The following C6orf132 variants were observed in gnomAD, a reference collection of about 807,000 sequenced individuals.
The protein encoded by C6orf132 is chromosome 6 open reading frame 132, also known as uncharacterized protein C6orf132.
In C6orf132, 43 loss-of-function variants were observed where a neutral mutation model predicts 65.3. That is an observed-to-expected ratio of 0.66 (90% CI 0.52 to 0.85). The LOEUF is 0.85. Among genes scored for constraint, C6orf132 ranks in the 40% least tolerant of loss-of-function variants. The pLI is 0.00. For missense variants in C6orf132, 1,488 were observed against 1,548.8 expected, an observed-to-expected ratio of 0.96 and a Z score of 0.66; for synonymous variants, 631 against 654.1, an observed-to-expected ratio of 0.96 and a Z score of 0.54.
In C6orf132 at chr6:42,134,634, C is replaced by T. The variant is rs927561187; in HGVS notation, c.146-5856G>A. ...ACTAAAAATACAAAAATTAGCTGGG[C>T]GTGGTGGTGGGTGCCTATAACCCCA... On this transcript the variant is annotated intron_variant, in intron 1 of 4. Coordinates refer to ENST00000341865, the MANE Select transcript of C6orf132 (RefSeq NM_001164446.3). Among the ~76,000 whole-genome samples, 6 of 151,736 alleles carry T rather than the reference C, an allele frequency of 4.0e-5. No homozygotes were observed. In the East Asian group the frequency reaches 7.7e-4, roughly 20 times the overall value.
At chr6:42,115,633 G>A (rs934950776) in intron 2 of C6orf132, among the ~76,000 whole-genome samples, 3 of 152,084 alleles carry the variant, frequency 2.0e-5, no homozygotes, top group Admixed American at 6.5e-5. Flanking sequence ...GCGACAGAGC[G>A]AGACTCCGTC....
chr6:42,118,038 T>G (rs1011135806), intron 2 of C6orf132, among the ~76,000 whole-genome samples: 2 of 151,670 alleles, frequency 1.3e-5, no homozygotes, highest in Non-Finnish European at 2.9e-5. Flanking sequence ...CTCACTCTGG[T>G]CTCAGTTTTC....
intron 2 of C6orf132, among the ~76,000 whole-genome samples, chr6:42,121,468 C>T (rs1441157422): frequency 6.6e-6 from 1 of 152,226 alleles, no homozygotes; most frequent in Non-Finnish European, 1.5e-5. Flanking sequence ...CCACTGCTCA[C>T]CTGTTGCACC....
In C6orf132 at chr6:42,124,562, GGGAA is replaced by G. The variant is rs1234527934; in HGVS notation, c.252+4106_252+4109del. Among the ~76,000 whole-genome samples the G allele has an allele frequency of 6.6e-6, 1 of 152,212 alleles. No homozygotes were observed. The highest frequency in any genetic ancestry group is 2.4e-5 in the African/African-American group (1 of 41,458). On this transcript the variant is annotated intron_variant, in intron 2 of 4. Transcript: ENST00000341865. This position sits in a 1 kb window ranked among gnomAD's most constrained non-coding sequence, Gnocchi z 4.0. ...TGGCCTGGGAGGTGCCTCTGAATGT[GGGAA>G]GGGAGGACAGGGAGGGGTGGAGGCC...
Position 42,124,683 on chromosome 6 carries a change from G to T in C6orf132, c.252+3989C>A, listed in dbSNP as rs983236082. On this transcript the variant is annotated intron_variant, in intron 2 of 4. Coordinates refer to ENST00000341865, the MANE Select transcript of C6orf132 (RefSeq NM_001164446.3). This position sits in a 1 kb window ranked among gnomAD's most constrained non-coding sequence, Gnocchi z 4.0. ...TGGGGCTGGGGGACGGGGTGTGTGC[G>T]TGTGCATGTGTGTGTGAGCCCACAC... Among the ~76,000 whole-genome samples, 1 of 152,190 alleles carries T rather than the reference G, an allele frequency of 6.6e-6. No homozygotes were observed. Among genetic ancestry groups the T allele is most frequent in the Admixed American group, 6.5e-5 (1 of 15,280 alleles).
At chr6:42,142,177 T>C in intron 1 of C6orf132, 123 bp downstream of exon 1, 3 of 1,147,176 alleles carry the variant, frequency 2.6e-6, no homozygotes, top group Non-Finnish European at 3.6e-6. Flanking sequence ...CGGCGGCTGC[T>C]CTCGGCCAGT....
At chr6:42,126,859 A>AAG in intron 2 of C6orf132, 1 of 458,600 alleles carries the variant, frequency 2.2e-6, no homozygotes, top group Non-Finnish European at 3.9e-6. Context: ...AAAAAAAAAA[A>AAG]AAAGAATATT....
Position 42,104,026 on chromosome 6 carries a change from G to T in C6orf132, c.3450-148C>A. On this transcript the variant is annotated intron_variant, in intron 4 of 4. Transcript: ENST00000341865. This position sits in a 1 kb window ranked among gnomAD's most constrained non-coding sequence, Gnocchi z 4.1. ...CCTGGGCTTATCGACCCCAGGGAGG[G>T]ACCGCAGACATCACAAACAGGGCTC... The T allele has an allele frequency of 1.9e-6, 1 of 521,008 alleles. No individual in the cohort carries two copies. The highest frequency in any genetic ancestry group is 3.1e-6 in the Non-Finnish European group (1 of 326,326). 32.3% of individuals were successfully genotyped at this position (521,008 alleles called of 1,614,324 possible).
chr6:42,123,121 C>T (rs895575983), intron 2 of C6orf132, among the ~76,000 whole-genome samples: 3 of 152,160 alleles, frequency 2.0e-5, no homozygotes, highest in African/African-American at 7.2e-5. Context: ...GTGGCTCACG[C>T]CCGTAATCCC....
intron 2 of C6orf132, among the ~76,000 whole-genome samples, chr6:42,114,465 GTCCC>G (rs1562035861): frequency 6.6e-6 from 1 of 152,148 alleles, no homozygotes; most frequent in African/African-American, 2.4e-5. Flanking sequence ...TTACTTAGCT[GTCCC>G]TTTCACTGAT....
chr6:42,107,370 GGGGGTT>G lies in C6orf132; in HGVS notation c.536_541del (p.Glu179_Pro181delinsAla). On this transcript the variant is annotated inframe_deletion, in exon 4 of 5. Transcript: ENST00000341865. ...AGGTGGGGCCATGCTGGGCGGGGGT[GGGGGTT>G]CCAGCAGCAGGGGAGGTGGTGGGGG... 1 of 865,618 alleles carries G rather than the reference GGGGGTT, an allele frequency of 1.2e-6. No homozygotes were observed. The highest frequency in any genetic ancestry group is 1.6e-5 in the South Asian group (1 of 61,146). The allele number at this position is 865,618 out of a possible 1,614,324, so 53.6% of individuals were successfully genotyped here. A position where few individuals can be genotyped will look rare whatever the true frequency, so the allele number is the denominator to read the frequency against.
chr6:42,105,631 C>T lies in C6orf132; in HGVS notation c.2281G>A (p.Gly761Ser), dbSNP rs1248228937. Residue 761 changes from glycine to serine, a missense_variant, in exon 4 of 5, where the codon GGT becomes AGT. Physicochemically the swap from Gly to Ser is moderately conservative, Grantham distance 56. Transcript: ENST00000341865. Reference protein sequence around the residue: ...SAAFPPKTSPGGGEVPCLYKP... With the variant: ...SAAFPPKTSPSGGEVPCLYKP... ...TAGAGACATGGCACCTCTCCTCCAC[C>T]AGGAGATGTCTTTGGTGGGAAGGCT... 2 of 1,537,040 alleles carry T rather than the reference C, an allele frequency of 1.3e-6. No homozygotes were observed. The highest frequency in any genetic ancestry group is 1.7e-6 in the Non-Finnish European group (2 of 1,146,914).
In C6orf132 at chr6:42,108,902, G is replaced by C. The variant is rs1766454812; in HGVS notation, c.328+1314C>G. On this transcript the variant is annotated intron_variant, in intron 3 of 4. Coordinates refer to ENST00000341865, the MANE Select transcript of C6orf132 (RefSeq NM_001164446.3). ...TGACTTCAAACTGAAGAAACCAAGA[G>C]TGGGGAAGGGGAAAACTAACATTCA... Among the ~76,000 whole-genome samples, 4 of 152,266 alleles carry C rather than the reference G, an allele frequency of 2.6e-5. No homozygotes were observed. In the South Asian group the frequency reaches 8.3e-4, roughly 32 times the overall value.
Position 42,107,338 on chromosome 6 carries a change from G to A in C6orf132, c.574C>T (p.Pro192Ser). 1 of 1,304,538 alleles carries A rather than the reference G, an allele frequency of 7.7e-7. No homozygotes were observed. The highest frequency in any genetic ancestry group is 1.0e-6 in the Non-Finnish European group (1 of 969,988). 80.8% of individuals were successfully genotyped at this position (1,304,538 alleles called of 1,614,324 possible). ...PPPSMAPPPPPVLEALSPPHT... is the reference protein window; with the variant it reads ...PPPSMAPPPPSVLEALSPPHT... Reference sequence around the variant, plus strand: ...GGTGGGGATAGGGCCTCCAATACTGGGGGTGGAGGTGGGGCCATGCTGGGC... The same window carrying A: ...GGTGGGGATAGGGCCTCCAATACTGAGGGTGGAGGTGGGGCCATGCTGGGC... Residue 192 changes from proline (P) to serine (S), a missense_variant, in exon 4 of 5, where the codon CCA becomes TCA. By Grantham distance (74) the Pro-to-Ser change is moderately conservative. Coordinates refer to ENST00000341865, the MANE Select transcript of C6orf132 (RefSeq NM_001164446.3).
At chr6:42,115,582 C>G (rs1388913861) in intron 2 of C6orf132, among the ~76,000 whole-genome samples, 1 of 150,492 alleles carries the variant, frequency 6.6e-6, no homozygotes, top group Non-Finnish European at 1.5e-5. Context: ...GGAGGCGGAG[C>G]TTGCAGTGAG....
At chr6:42,125,802 A>G (rs1482138144) in intron 2 of C6orf132, among the ~76,000 whole-genome samples, 1 of 151,174 alleles carries the variant, frequency 6.6e-6, no homozygotes, top group Non-Finnish European at 1.5e-5. Flanking sequence ...CCTGGGGTCT[A>G]TGCAGCCCCT....
At position 42,107,369 on chromosome 6, in the gene C6orf132, TGGGG is replaced by T; in HGVS notation, c.539_542del (p.Pro180HisfsTer44). 5.8e-6 allele frequency: 1 copy of T among 173,886 alleles called. No homozygotes were observed. The allele number at this position is 173,886 out of a possible 1,614,324, so 10.8% of individuals were successfully genotyped here. A position where few individuals can be genotyped will look rare whatever the true frequency, so the allele number is the denominator to read the frequency against. ...GAGGTGGGGCCATGCTGGGCGGGGGTGGGGGTTCCAGCAGCAGGGGAGGTGGTGG... is the reference window on the plus strand; with the variant it reads ...GAGGTGGGGCCATGCTGGGCGGGGGTGTTCCAGCAGCAGGGGAGGTGGTGG... On this transcript the variant is annotated frameshift_variant, in exon 4 of 5. Coordinates refer to ENST00000341865, the MANE Select transcript of C6orf132 (RefSeq NM_001164446.3). LOFTEE classifies it high-confidence loss of function.
chr6:42,125,500 C>G (rs1393818409), intron 2 of C6orf132, among the ~76,000 whole-genome samples: 1 of 152,190 alleles, frequency 6.6e-6, no homozygotes, highest in Non-Finnish European at 1.5e-5. Context: ...ATCTGCCTTT[C>G]CCCGGTTAGC....
Position 42,104,706 on chromosome 6 carries a change from C to G in C6orf132, c.3206G>C (p.Gly1069Ala). The change falls in exon 4 of 5, where the codon GGG (glycine) becomes GCG (alanine). Residue 1069 changes from glycine (G) to alanine (A), a missense_variant. Transcript: ENST00000341865. The surrounding 1 kb of genome is among the most constrained non-coding windows in gnomAD (Gnocchi z 4.1). ...RSLIKKRLYV[G>A]EPHRGPGLPH... ...TAGCCCTGGGCCTCGGTGCGGCTCC[C>G]CGACGTACAGGCGCTTCTTTATGAG... 6.6e-7 allele frequency: 1 copy of G among 1,522,542 alleles called. No homozygotes were observed. The highest frequency in any genetic ancestry group is 8.8e-7 in the Non-Finnish European group (1 of 1,141,238). The allele number at this position is 1,522,542 out of a possible 1,614,324, so 94.3% of individuals were successfully genotyped here. A position where few individuals can be genotyped will look rare whatever the true frequency, so the allele number is the denominator to read the frequency against.
Sources: gnomAD v4.1 joint callset for allele counts (sites outside exome capture counted in the v4.1 genomes callset) on GRCh38, gnomAD v4.1.1 for gene constraint, Gnocchi (gnomAD v3.1) non-coding constraint, MANE v1.5 for transcripts, NCBI Gene and HGNC (gene_info 2026-07-23, HGNC 2026-07-21) for gene names.